The following LINGO2 variants were observed in gnomAD, a reference collection of about 807,000 sequenced individuals.
LINGO2 encodes the protein leucine-rich repeat and immunoglobulin-like domain-containing nogo receptor-interacting protein 2.
In LINGO2, 14 loss-of-function variants were observed where a neutral mutation model predicts 30.6. That is an observed-to-expected ratio of 0.46 (90% CI 0.30 to 0.72). The LOEUF is 0.72. LINGO2 is among the 30% of genes least tolerant of loss of function. The pLI is 0.07. For synonymous variants in LINGO2, 317 were observed against 288.5 expected, an observed-to-expected ratio of 1.10 and a Z score of -1.00; for missense variants, 729 against 751.7, an observed-to-expected ratio of 0.97 and a Z score of 0.35.
intron 1 of LINGO2, among the ~76,000 whole-genome samples, chr9:28,574,388 G>A (rs140852479): frequency 1.3e-5 from 2 of 152,164 alleles, no homozygotes; most frequent in African/African-American, 2.4e-5. Flanking sequence ...TCAGCCATTT[G>A]TTTCCATACA....
chr9:28,351,018 A>G (rs1047686626), intron 3 of LINGO2, among the ~76,000 whole-genome samples: 1 of 152,190 alleles, frequency 6.6e-6, no homozygotes, highest in African/African-American at 2.4e-5. Flanking sequence ...AGGGAAAGTT[A>G]TAGCACTAAA....
the LINGO2 span, among the ~76,000 whole-genome samples, chr9:28,926,983 C>G: frequency 6.6e-6 from 1 of 152,158 alleles, no homozygotes; most frequent in African/African-American, 2.4e-5. Context: ...CATAGATATT[C>G]TTTCTCTAGC....
chr9:28,862,212 G>T, the LINGO2 span, among the ~76,000 whole-genome samples: 1 of 152,000 alleles, frequency 6.6e-6, no homozygotes, highest in East Asian at 1.9e-4. Context: ...CCAGAGCTCT[G>T]TGGATTTTGC....
intron 1 of LINGO2, among the ~76,000 whole-genome samples, chr9:28,548,157 G>C (rs1396462122): frequency 6.6e-6 from 1 of 152,004 alleles, no homozygotes; most frequent in Non-Finnish European, 1.5e-5. Flanking sequence ...GTTTCAAGAA[G>C]TTCAAATCCT....
intron 4 of LINGO2, among the ~76,000 whole-genome samples, chr9:28,286,949 C>T (rs1564096750): frequency 6.6e-6 from 1 of 152,050 alleles, no homozygotes; most frequent in African/African-American, 2.4e-5. Context: ...ACTTGTACCC[C>T]TGAACTTAAA....
chr9:28,216,240 C>T (rs1396220971), intron 4 of LINGO2, among the ~76,000 whole-genome samples: 1 of 151,866 alleles, frequency 6.6e-6, no homozygotes, highest in African/African-American at 2.4e-5. Context: ...GTCCACAACC[C>T]ATGGATAGCT....
intron 2 of LINGO2, among the ~76,000 whole-genome samples, chr9:28,423,049 A>G (rs1356373169): frequency 6.6e-6 from 1 of 152,086 alleles, no homozygotes; most frequent in Non-Finnish European, 1.5e-5. Context: ...TTATTTGTTC[A>G]TGGATACAGA....
intron 4 of LINGO2, among the ~76,000 whole-genome samples, chr9:28,097,300 A>T (rs1411361534): frequency 6.6e-6 from 1 of 152,016 alleles, no homozygotes; most frequent in Non-Finnish European, 1.5e-5. Context: ...ATCTAGAACT[A>T]GAAATACCAT....
intron 3 of LINGO2, among the ~76,000 whole-genome samples, chr9:28,340,963 A>T (rs1825746495): frequency 6.6e-6 from 1 of 152,120 alleles, no homozygotes; most frequent in Non-Finnish European, 1.5e-5. Context: ...TTCTCTTTAA[A>T]GGGCAAATAA....
intron 1 of LINGO2, among the ~76,000 whole-genome samples, chr9:28,510,025 A>G (rs1820307416): frequency 6.6e-6 from 1 of 152,238 alleles, no homozygotes; most frequent in Admixed American, 6.5e-5. Flanking sequence ...GGCAGAGAGA[A>G]GAACCTTGCT....
chr9:28,708,466 G>C, the LINGO2 span, among the ~76,000 whole-genome samples: 1 of 152,018 alleles, frequency 6.6e-6, no homozygotes, highest in African/African-American at 2.4e-5. Flanking sequence ...CTGTATACCT[G>C]AAACTGTATA....
chr9:28,926,931 T>C, the LINGO2 span, among the ~76,000 whole-genome samples: 1 of 152,218 alleles, frequency 6.6e-6, no homozygotes, highest in Non-Finnish European at 1.5e-5. Context: ...CACTGAGAAC[T>C]CTTTACTTAC....
the LINGO2 span, among the ~76,000 whole-genome samples, chr9:28,844,512 A>G: frequency 1.3e-5 from 2 of 151,922 alleles, no homozygotes; most frequent in East Asian, 3.9e-4. Context: ...ACAAAAGTGC[A>G]TGCAGTCTTT....
At position 28,149,913 on chromosome 9, in the gene LINGO2, C is replaced by G. The variant is rs143242128; in HGVS notation, c.-86-137508G>C. 2.7e-4 allele frequency among the ~76,000 whole-genome samples: 40 copies of G among 150,808 alleles called. No homozygotes were observed. The South Asian group carries it at 8.0e-3, about 30-fold the overall frequency. ...GTAAGGAGCGCCTATGCCTCGCCGC[C>G]GTCCTGTCTGCGAAGTGAGGAGTGC... On this transcript the variant is annotated intron_variant, in intron 4 of 5. Transcript: ENST00000379992.
chr9:28,652,363 A>G (rs1272257991), intron 1 of LINGO2, among the ~76,000 whole-genome samples: 2 of 152,158 alleles, frequency 1.3e-5, no homozygotes, highest in African/African-American at 4.8e-5. Flanking sequence ...AATCTTACCA[A>G]AAAGAAGCTT....
At chr9:28,184,836 TCTG>T (rs1426541056) in intron 4 of LINGO2, among the ~76,000 whole-genome samples, 1 of 152,112 alleles carries the variant, frequency 6.6e-6, no homozygotes, top group Non-Finnish European at 1.5e-5. Flanking sequence ...CAAGAAAACA[TCTG>T]CTGCTTTTTC....
At chr9:28,702,921 G>T in the LINGO2 span, among the ~76,000 whole-genome samples, 51 of 151,926 alleles carry the variant, frequency 3.4e-4, no homozygotes, top group African/African-American at 1.2e-3. Flanking sequence ...TGGGCACAGA[G>T]TTATTAATAG....
At chr9:28,913,410 C>A in the LINGO2 span, among the ~76,000 whole-genome samples, 1 of 151,982 alleles carries the variant, frequency 6.6e-6, no homozygotes, top group Non-Finnish European at 1.5e-5. Context: ...AACCTTAATG[C>A]TCCTTAAATC....
rs1003696136 is a variant in LINGO2, at chr9:28,416,976, C to A, written c.-278-44108G>T. Among the ~76,000 whole-genome samples, 9 of 152,014 alleles carry A rather than the reference C, an allele frequency of 5.9e-5. No individual in the cohort carries two copies. In the South Asian group the frequency reaches 1.9e-3, roughly 32 times the overall value. ...CATATGCATTTATATACCCTTACAG[C>A]CCTTTAGAAATACACAATTTATTGC... is the stretch of plus-strand genomic sequence containing the variant. On this transcript the variant is annotated intron_variant, in intron 2 of 5. Transcript: ENST00000379992.
Sources: allele counts gnomAD v4.1 joint callset (sites outside exome capture counted in the v4.1 genomes callset), GRCh38; gene constraint gnomAD v4.1.1; transcripts MANE v1.5; gene names NCBI Gene and HGNC (gene_info 2026-07-23, HGNC 2026-07-21).